Variants in KYAT3 observed in about 807,000 individuals in gnomAD.
KYAT3 encodes the protein kynurenine aminotransferase 3.
In KYAT3, 50 loss-of-function variants were observed where a neutral mutation model predicts 59.0. The ratio of observed to expected loss-of-function variants is 0.85; its 90% CI spans 0.68 to 1.07. The LOEUF (loss-of-function observed/expected upper bound fraction) is 1.07. Among genes scored for constraint, KYAT3 ranks in the 50% least tolerant of loss-of-function variants. The pLI is 0.00. For missense variants in KYAT3, 497 were observed against 533.3 expected (o/e 0.93, Z 0.67); for synonymous variants, 148 against 177.0 (o/e 0.84, Z 1.30).
intron 2 of KYAT3, among the ~76,000 whole-genome samples, chr1:88,971,771 T>G (rs956388627): frequency 2.0e-5 from 3 of 152,252 alleles, no homozygotes; most frequent in Admixed American, 6.5e-5. Context: ...GTTCTCAAAT[T>G]CGACTTCATT....
At chr1:88,965,971 G>T (rs1353723901) in intron 4 of KYAT3, among the ~76,000 whole-genome samples, 1 of 152,174 alleles carries the variant, frequency 6.6e-6, no homozygotes, top group Non-Finnish European at 1.5e-5. Context: ...ATAAGTGTTT[G>T]TGCTTTTAAA....
chr1:88,938,239 A>G (rs1004760179), intron 13 of KYAT3, among the ~76,000 whole-genome samples: 1 of 152,214 alleles, frequency 6.6e-6, no homozygotes, highest in African/African-American at 2.4e-5. Context: ...TTTTAAAGTA[A>G]GTCAGCTTCC....
At chr1:88,950,498 T>G (rs1419723786) in intron 10 of KYAT3, among the ~76,000 whole-genome samples, 1 of 138,260 alleles carries the variant, frequency 7.2e-6, no homozygotes, top group Non-Finnish European at 1.6e-5. Flanking sequence ...TAGCTATATC[T>G]TTTTTTTTTT....
chr1:88,976,619 G>A (rs1368485695), intron 2 of KYAT3, among the ~76,000 whole-genome samples: 1 of 152,086 alleles, frequency 6.6e-6, no homozygotes, highest in Non-Finnish European at 1.5e-5. Context: ...TTAAAAAAAA[G>A]TTGACTATAA....
chr1:88,946,390 C>T (rs1005880826), intron 11 of KYAT3, among the ~76,000 whole-genome samples: 7 of 151,802 alleles, frequency 4.6e-5, no homozygotes, highest in Non-Finnish European at 7.4e-5. Flanking sequence ...CTTGAACTCC[C>T]GGGCTCAAGC....
At chr1:88,989,997 A>G (rs1677692091) in intron 1 of KYAT3, among the ~76,000 whole-genome samples, 1 of 152,170 alleles carries the variant, frequency 6.6e-6, no homozygotes, top group African/African-American at 2.4e-5. Context: ...CTTGTCTCCC[A>G]TAGTCCAAAA....
intron 11 of KYAT3, among the ~76,000 whole-genome samples, chr1:88,945,358 G>A (rs1675400038): frequency 6.6e-6 from 1 of 152,128 alleles, no homozygotes; most frequent in African/African-American, 2.4e-5. Flanking sequence ...GCCCAAATTT[G>A]TTTTTGCATT....
intron 2 of KYAT3, among the ~76,000 whole-genome samples, chr1:88,970,794 C>T (rs557072819): frequency 6.6e-5 from 10 of 152,210 alleles, no homozygotes; most frequent in African/African-American, 2.2e-4. Context: ...AGCATTTTTG[C>T]AGAGAATTTT....
At chr1:88,926,065 C>T in the KYAT3 span, among the ~76,000 whole-genome samples, 1 of 152,166 alleles carries the variant, frequency 6.6e-6, no homozygotes, top group Non-Finnish European at 1.5e-5. Context: ...GCTTTGCTAA[C>T]AGAAGAAAGT....
intron 11 of KYAT3, among the ~76,000 whole-genome samples, chr1:88,945,377 C>A (rs1675400637): frequency 6.6e-6 from 1 of 152,122 alleles, no homozygotes; most frequent in Non-Finnish European, 1.5e-5. Context: ...TTCTTACTAT[C>A]TCCTCCATAA....
intron 2 of KYAT3, among the ~76,000 whole-genome samples, chr1:88,972,744 C>A (rs146888272): frequency 1.3e-5 from 2 of 152,314 alleles, no homozygotes; most frequent in East Asian, 3.9e-4. Flanking sequence ...AGGATGTGCA[C>A]ACATCACTTC....
intron 2 of KYAT3, among the ~76,000 whole-genome samples, chr1:88,976,870 G>A (rs1676807980): frequency 6.6e-6 from 1 of 152,162 alleles, no homozygotes; most frequent in South Asian, 2.1e-4. Context: ...TTTATAGAAT[G>A]ACATAAAATA....
the KYAT3 span, among the ~76,000 whole-genome samples, chr1:88,927,477 G>A: frequency 1.3e-5 from 2 of 152,168 alleles, no homozygotes; most frequent in African/African-American, 4.8e-5. Context: ...AGAGACAACT[G>A]GCAATTATGT....
downstream of KYAT3, among the ~76,000 whole-genome samples, chr1:88,932,635 G>A (rs769620367): frequency 1.3e-5 from 2 of 151,978 alleles, no homozygotes; most frequent in Non-Finnish European, 2.9e-5. Flanking sequence ...TGGGACTATG[G>A]GAGCACACCA....
intron 2 of KYAT3, among the ~76,000 whole-genome samples, chr1:88,973,493 G>A (rs527759699): frequency 3.3e-5 from 5 of 152,202 alleles, no homozygotes; most frequent in African/African-American, 7.2e-5. Context: ...AGAATCCTAC[G>A]GGGAATCAGG....
chr1:88,947,706 T>C (rs1675496933), intron 11 of KYAT3, among the ~76,000 whole-genome samples: 1 of 152,166 alleles, frequency 6.6e-6, no homozygotes, highest in Non-Finnish European at 1.5e-5. Context: ...GAAGACCAAA[T>C]TATAGGAAAA....
At chr1:88,946,193 C>T (rs1675435582) in intron 11 of KYAT3, among the ~76,000 whole-genome samples, 1 of 152,178 alleles carries the variant, frequency 6.6e-6, no homozygotes, top group Non-Finnish European at 1.5e-5. Flanking sequence ...TATTCAAAAA[C>T]TACGCAACTA....
At chr1:88,957,972 T>G (rs1240556352) in intron 8 of KYAT3, among the ~76,000 whole-genome samples, 1 of 152,200 alleles carries the variant, frequency 6.6e-6, no homozygotes, top group Non-Finnish European at 1.5e-5. Context: ...CCTGCAAATC[T>G]CTGGCTGCCT....
rs942333653 is a variant in KYAT3 at position 88,983,030 on chromosome 1, T to G, written c.99+5222A>C. ...ATCTGAATAGTCACGATCACGACCA[T>G]ATCCATCTCTATCGCCATAGCCTCT... On this transcript the variant is annotated intron_variant, in intron 2 of 13. Transcript: ENST00000260508. 7 of 1,612,640 alleles carry G rather than the reference T, an allele frequency of 4.3e-6. No homozygotes were observed. The African/African-American group carries it at 8.0e-5, about 18-fold the overall frequency.
Sources: allele counts gnomAD v4.1 joint callset (sites outside exome capture counted in the v4.1 genomes callset), GRCh38; gene constraint gnomAD v4.1.1; transcripts MANE v1.5; gene names NCBI Gene and HGNC (gene_info 2026-07-23, HGNC 2026-07-21).